The following BMPR1A variants were observed in gnomAD, a reference collection of about 807,000 sequenced individuals.
BMPR1A encodes the protein bone morphogenetic protein receptor type-1A.
A neutral mutation model predicts 66.0 loss-of-function variants in BMPR1A; 7 were observed. That is an observed-to-expected ratio of 0.11 (90% confidence interval 0.06 to 0.20). The LOEUF (loss-of-function observed/expected upper bound fraction) is 0.20. Among genes scored for constraint, BMPR1A ranks in the 10% least tolerant of loss-of-function variants. The pLI is 1.00. For synonymous variants in BMPR1A, 200 were observed against 229.7 expected (o/e 0.87, Z 1.17); for missense variants, 408 against 669.1 (o/e 0.61, Z 4.31).
chr10:86,862,578 A>T (rs1368270422), intron 2 of BMPR1A, among the ~76,000 whole-genome samples: 1 of 152,148 alleles, frequency 6.6e-6, no homozygotes, highest in Non-Finnish European at 1.5e-5. Flanking sequence ...GCCAGTTAGG[A>T]GGTGCCTTCA....
intron 2 of BMPR1A, among the ~76,000 whole-genome samples, chr10:86,863,053 C>T (rs1472842318): frequency 6.6e-6 from 1 of 151,524 alleles, no homozygotes; most frequent in Non-Finnish European, 1.5e-5. Flanking sequence ...AGTCTCAGCT[C>T]ACTGCAACCT....
chr10:86,773,133 T>C (rs953278475), intron 1 of BMPR1A, among the ~76,000 whole-genome samples: 18 of 151,836 alleles, frequency 1.2e-4, no homozygotes, highest in African/African-American at 4.4e-4. Context: ...GTTATCTTTT[T>C]TTTTTTTTTT....
chr10:86,868,823 T>C (rs1842817975), intron 2 of BMPR1A, among the ~76,000 whole-genome samples: 1 of 151,596 alleles, frequency 6.6e-6, no homozygotes, highest in East Asian at 1.9e-4. Context: ...TTCAGTTGTC[T>C]TGCTGTTTGA....
intron 2 of BMPR1A, among the ~76,000 whole-genome samples, chr10:86,851,907 G>C (rs1286810318): frequency 6.6e-6 from 1 of 152,170 alleles, no homozygotes; most frequent in Non-Finnish European, 1.5e-5. Flanking sequence ...TTTTTAAGCA[G>C]AGAGAATGGC....
intron 3 of BMPR1A, among the ~76,000 whole-genome samples, chr10:86,886,870 C>T (rs551475161): frequency 9.0e-4 from 120 of 132,732 alleles, no homozygotes; most frequent in Admixed American, 1.4e-3. Flanking sequence ...TCGCTCTTGT[C>T]GCCCAGGCTG....
At chr10:86,860,662 C>T (rs1411602189) in intron 2 of BMPR1A, among the ~76,000 whole-genome samples, 2 of 150,590 alleles carry the variant, frequency 1.3e-5, no homozygotes, top group South Asian at 2.1e-4. Flanking sequence ...CCCAGCTACT[C>T]GGGAGGCTGA....
At chr10:86,797,762 T>TTCCAAAAAGG (rs374147120) in intron 1 of BMPR1A, among the ~76,000 whole-genome samples, 7 of 152,290 alleles carry the variant, frequency 4.6e-5, no homozygotes, top group African/African-American at 1.7e-4. Flanking sequence ...ATGGACCTTG[T>TTCCAAAAAGG]TCCAAAAAGG....
At chr10:86,869,669 A>G (rs1411987203) in intron 2 of BMPR1A, among the ~76,000 whole-genome samples, 1 of 152,110 alleles carries the variant, frequency 6.6e-6, no homozygotes, top group Non-Finnish European at 1.5e-5. Context: ...AGGCGGGAGA[A>G]TCGCTTGAAC....
chr10:86,931,298 C>CACACATATATATATATATAT, downstream of BMPR1A: 12 of 90,900 alleles, frequency 1.3e-4, no homozygotes, highest in African/African-American at 2.8e-4. Flanking sequence ...CACACACACA[C>CACACATATATATATATATAT]ATATATATAT....
intron 1 of BMPR1A, among the ~76,000 whole-genome samples, chr10:86,785,039 A>T (rs1056942995): frequency 6.6e-6 from 1 of 151,962 alleles, no homozygotes; most frequent in Non-Finnish European, 1.5e-5. Flanking sequence ...TTTCTTCTTC[A>T]TTTGTCTCAA....
At chr10:86,840,131 G>A (rs1842405032) in intron 2 of BMPR1A, among the ~76,000 whole-genome samples, 1 of 152,148 alleles carries the variant, frequency 6.6e-6, no homozygotes, top group Admixed American at 6.5e-5. Flanking sequence ...TAATGATCAG[G>A]TAAAAGGTTT....
intron 1 of BMPR1A, among the ~76,000 whole-genome samples, chr10:86,764,717 C>T (rs1841135993): frequency 6.6e-6 from 1 of 152,158 alleles, no homozygotes; most frequent in African/African-American, 2.4e-5. Flanking sequence ...GGTTTGGGTT[C>T]AGAATCCTTA....
chr10:86,767,415 A>G (rs373796855), intron 1 of BMPR1A, among the ~76,000 whole-genome samples: 40 of 152,260 alleles, frequency 2.6e-4, no homozygotes, highest in African/African-American at 9.2e-4. Context: ...CTGGTGGCTC[A>G]TGCTTGTAAT....
chr10:86,864,821 T>A (rs1244271853), intron 2 of BMPR1A, among the ~76,000 whole-genome samples: 1 of 152,166 alleles, frequency 6.6e-6, no homozygotes, highest in Non-Finnish European at 1.5e-5. Context: ...AGTCATTCTA[T>A]ACGACAAATG....
At chr10:86,770,389 G>A (rs369646428) in intron 1 of BMPR1A, among the ~76,000 whole-genome samples, 2,683 of 96,768 alleles carry the variant, frequency 0.028, 100 homozygotes, top group African/African-American at 0.24. Flanking sequence ...TTCAGTCTGC[G>A]AGAGAGAGAC....
intron 1 of BMPR1A, among the ~76,000 whole-genome samples, chr10:86,763,598 G>A (rs1841109844): frequency 6.6e-6 from 1 of 151,166 alleles, no homozygotes; most frequent in African/African-American, 2.5e-5. Context: ...AATCACGCCA[G>A]CCTTGGCAGT....
At chr10:86,782,993 TGG>T (rs1841460105) in intron 1 of BMPR1A, among the ~76,000 whole-genome samples, 1 of 152,234 alleles carries the variant, frequency 6.6e-6, no homozygotes, top group South Asian at 2.1e-4. Context: ...TCTAGTTTTA[TGG>T]TTTCAGGTCT....
chr10:86,809,382 C>T (rs1317909329), intron 1 of BMPR1A, among the ~76,000 whole-genome samples: 4 of 151,846 alleles, frequency 2.6e-5, no homozygotes, highest in Non-Finnish European at 5.9e-5. Flanking sequence ...CTCCACTTCC[C>T]ATGCTCAAGC....
At chr10:86,853,298 GA>G (rs571826584) in intron 2 of BMPR1A, among the ~76,000 whole-genome samples, 84 of 141,434 alleles carry the variant, frequency 5.9e-4, no homozygotes, top group African/African-American at 1.8e-3. Context: ...TTTTTTCTAA[GA>G]AAAAAAAAAA....
Sources: allele counts gnomAD v4.1 joint callset (sites outside exome capture counted in the v4.1 genomes callset), GRCh38; gene constraint gnomAD v4.1.1; transcripts MANE v1.5; gene names NCBI Gene and HGNC (gene_info 2026-07-23, HGNC 2026-07-21).